The following CTNNA2 variants were observed in gnomAD, a reference collection of about 807,000 sequenced individuals.
The protein encoded by CTNNA2 is catenin alpha-2.
A neutral mutation model predicts 101.0 loss-of-function variants in CTNNA2; 42 were observed. The ratio of observed to expected loss-of-function variants is 0.42; its 90% CI spans 0.32 to 0.54. The LOEUF (loss-of-function observed/expected upper bound fraction) is 0.54. CTNNA2 is among the 20% of genes least tolerant of loss of function. CTNNA2 has a pLI of 0.14. For missense variants in CTNNA2, 871 were observed against 1,223.1 expected (o/e 0.71, Z 4.29); for synonymous variants, 450 against 456.4 (o/e 0.99, Z 0.18).
chr2:80,343,482 T>C (rs1050796018), intron 7 of CTNNA2, among the ~76,000 whole-genome samples: 10 of 151,956 alleles, frequency 6.6e-5, no homozygotes, highest in African/African-American at 2.4e-4. Context: ...TGAAAATGAT[T>C]ATATAATTGG....
chr2:79,469,288 A>G (rs1001528393), intron 4 of CTNNA2, among the ~76,000 whole-genome samples: 15 of 152,198 alleles, frequency 9.9e-5, no homozygotes, highest in Non-Finnish European at 2.1e-4. Flanking sequence ...GAAGAAATGG[A>G]TACATTCCTC....
At chr2:80,449,880 A>G (rs1340860541) in intron 9 of CTNNA2, among the ~76,000 whole-genome samples, 6 of 152,202 alleles carry the variant, frequency 3.9e-5, no homozygotes, top group Non-Finnish European at 8.8e-5. Context: ...TTTTTAAAGT[A>G]TTTACTGTTG....
intron 9 of CTNNA2, among the ~76,000 whole-genome samples, chr2:80,453,709 G>A (rs1048666233): frequency 1.3e-5 from 2 of 152,176 alleles, no homozygotes; most frequent in African/African-American, 4.8e-5. Flanking sequence ...AGTTGCATAG[G>A]AGAATGTGAG....
At chr2:80,205,769 G>A (rs1433331021) in intron 7 of CTNNA2, among the ~76,000 whole-genome samples, 1 of 152,112 alleles carries the variant, frequency 6.6e-6, no homozygotes, top group Non-Finnish European at 1.5e-5. Flanking sequence ...TCAAATAGAA[G>A]GTGACTGCGA....
rs544474728 is a variant in CTNNA2, at chr2:79,739,808, G to A, written c.103-4579G>A. 4.6e-5 allele frequency among the ~76,000 whole-genome samples: 7 copies of A among 152,270 alleles called. No individual in the cohort carries two copies. The South Asian group carries it at 1.5e-3, about 32-fold the overall frequency. The stretch of plus-strand genomic sequence containing the variant: ...CTTTAGATCAAAATGTGTTCCTGCT[G>A]CTCTGACTTCTCTAAGGCATCCAGT... On this transcript the variant is annotated intron_variant, in intron 2 of 18. Transcript: ENST00000402739.
intron 7 of CTNNA2, among the ~76,000 whole-genome samples, chr2:80,184,192 CA>C (rs1705968012): frequency 6.6e-6 from 1 of 151,962 alleles, no homozygotes; most frequent in Non-Finnish European, 1.5e-5. Context: ...CAGTGTGATA[CA>C]TTTGAAGGAG....
At chr2:79,834,359 A>ATATGG (rs2105440772) in intron 3 of CTNNA2, among the ~76,000 whole-genome samples, 2 of 152,176 alleles carry the variant, frequency 1.3e-5, no homozygotes, top group East Asian at 3.9e-4. Context: ...ATATTCTCTG[A>ATATGG]AGTAGTTGTA....
intron 1 of CTNNA2, among the ~76,000 whole-genome samples, chr2:79,576,385 C>CA (rs749509009): frequency 1.1e-4 from 16 of 152,216 alleles, no homozygotes; most frequent in Admixed American, 5.9e-4. Context: ...ATATAGCTTT[C>CA]AAAACTCAAT....
chr2:80,315,588 G>T (rs1008063474), intron 7 of CTNNA2, among the ~76,000 whole-genome samples: 1 of 152,134 alleles, frequency 6.6e-6, no homozygotes. Flanking sequence ...GTGATTGTAG[G>T]GTTCCAAGAG....
rs534315929 is a variant in CTNNA2 at position 80,038,675 on chromosome 2, G to A, written c.1056+128878G>A. On this transcript the variant is annotated intron_variant, in intron 7 of 18. Coordinates refer to ENST00000402739, the MANE Select transcript of CTNNA2 (RefSeq NM_001282597.3). The stretch of plus-strand genomic sequence containing the variant: ...AGCCTGACCAACATGGTGAAACCCC[G>A]TCTCTACTAAAAGTACAAAAGTTAG... Among the ~76,000 whole-genome samples, 20 of 152,178 alleles carry A rather than the reference G, an allele frequency of 1.3e-4. No individual in the cohort carries two copies. The East Asian group carries it at 2.9e-3, about 22-fold the overall frequency.
intron 7 of CTNNA2, among the ~76,000 whole-genome samples, chr2:80,357,481 A>G (rs1282383806): frequency 6.6e-6 from 1 of 152,060 alleles, no homozygotes; most frequent in Non-Finnish European, 1.5e-5. Flanking sequence ...GACAGTGCCT[A>G]TCATAGAGCC....
chr2:79,188,160 AAG>A (rs1422657385), intron 1 of CTNNA2, among the ~76,000 whole-genome samples: 3 of 152,204 alleles, frequency 2.0e-5, no homozygotes, highest in African/African-American at 7.2e-5. Flanking sequence ...GTTCATTAAA[AAG>A]AGTTTATTTT....
At chr2:79,768,083 T>A (rs1673292246) in intron 3 of CTNNA2, among the ~76,000 whole-genome samples, 1 of 151,774 alleles carries the variant, frequency 6.6e-6, no homozygotes, top group African/African-American at 2.4e-5. Flanking sequence ...ACCTCTGAGA[T>A]CTGTGGTTCA....
Position 79,874,307 on chromosome 2 carries a change from A to T in CTNNA2, c.817A>T (p.Ile273Phe). 6.2e-7 allele frequency: 1 copy of T among 1,614,066 alleles called. No homozygotes were observed. The highest frequency in any genetic ancestry group is 8.5e-7 in the Non-Finnish European group (1 of 1,180,024). The change falls in exon 6 of 19, where the codon ATC becomes TTC. Residue 273 changes from isoleucine to phenylalanine, a missense_variant. Ile to Phe is a conservative substitution (Grantham distance 21). Transcript: ENST00000402739. Reference sequence around the variant, plus strand: ...TGACGAAGCCAAGGGCCACACGGGCATCGGCGAGCTGGCTGCGGCTCTTAA... The same window carrying T: ...TGACGAAGCCAAGGGCCACACGGGCTTCGGCGAGCTGGCTGCGGCTCTTAA... The part of the protein sequence containing the change: ...PTDEAKGHTG[I>F]GELAAALNEF...
intron 18 of CTNNA2, among the ~76,000 whole-genome samples, chr2:80,631,895 G>T (rs942915217): frequency 6.6e-6 from 1 of 152,048 alleles, no homozygotes; most frequent in Non-Finnish European, 1.5e-5. Flanking sequence ...TGTTGTTGTT[G>T]TTGAGAATTA....
chr2:79,467,270 G>A (rs571719754), intron 4 of CTNNA2, among the ~76,000 whole-genome samples: 189 of 152,150 alleles, frequency 1.2e-3, no homozygotes, highest in African/African-American at 4.3e-3. Context: ...TGGAAGAAAG[G>A]GTATCAGTGA....
intron 4 of CTNNA2, among the ~76,000 whole-genome samples, chr2:79,487,510 T>A (rs1405204615): frequency 6.6e-6 from 1 of 152,180 alleles, no homozygotes; most frequent in East Asian, 1.9e-4. Flanking sequence ...CAGTGCTCAT[T>A]TGGAGAGCTC....
intron 2 of CTNNA2, among the ~76,000 whole-genome samples, chr2:79,664,072 G>A (rs565740137): frequency 6.6e-6 from 1 of 152,264 alleles, no homozygotes; most frequent in South Asian, 2.1e-4. Flanking sequence ...GTGTATGAAT[G>A]TTTTAATACT....
intron 7 of CTNNA2, among the ~76,000 whole-genome samples, chr2:80,093,282 G>A (rs1389640593): frequency 1.3e-5 from 2 of 152,014 alleles, no homozygotes; most frequent in Non-Finnish European, 2.9e-5. Context: ...GCGATAGTTT[G>A]CTGAGAATGA....
Sources: gnomAD v4.1 joint callset for allele counts (sites outside exome capture counted in the v4.1 genomes callset) on GRCh38, gnomAD v4.1.1 for gene constraint, MANE v1.5 for transcripts, NCBI Gene and HGNC (gene_info 2026-07-23, HGNC 2026-07-21) for gene names.